IKZF1: variants seen among roughly 807,000 people sequenced by gnomAD.
IKZF1 encodes the protein IKAROS family zinc finger 1, also known as DNA-binding protein Ikaros.
Under a neutral mutation model 51.7 loss-of-function variants are expected in IKZF1, and 10 were observed. The ratio of observed to expected loss-of-function variants is 0.19; its 90% CI spans 0.12 to 0.33. The LOEUF (loss-of-function observed/expected upper bound fraction) is 0.33. Among genes scored for constraint, IKZF1 ranks in the 10% least tolerant of loss-of-function variants. IKZF1 has a pLI of 1.00. For synonymous variants in IKZF1, 280 were observed against 282.3 expected (o/e 0.99, Z 0.08); for missense variants, 484 against 707.5 (o/e 0.68, Z 3.58).
intron 1 of IKZF1, among the ~76,000 whole-genome samples, chr7:50,305,131 C>T (rs984346109): frequency 3.9e-5 from 6 of 152,300 alleles, no homozygotes; most frequent in African/African-American, 1.2e-4. Context: ...ACCAGGCCGA[C>T]ATGGGACACT....
chr7:50,333,957 C>G (rs1270900946), intron 3 of IKZF1, among the ~76,000 whole-genome samples: 1 of 152,174 alleles, frequency 6.6e-6, no homozygotes, highest in Non-Finnish European at 1.5e-5. Context: ...ATTTCCCAAA[C>G]ATGAAATATA....
At chr7:50,373,658 T>C (rs1228073465) in intron 3 of IKZF1, among the ~76,000 whole-genome samples, 8 of 152,154 alleles carry the variant, frequency 5.3e-5, no homozygotes, top group African/African-American at 1.2e-4. Context: ...AGGTAAATGA[T>C]TAAAAATAAT....
chr7:50,342,463 T>G (rs1321869626), intron 3 of IKZF1, among the ~76,000 whole-genome samples: 1 of 152,198 alleles, frequency 6.6e-6, no homozygotes, highest in Non-Finnish European at 1.5e-5. Context: ...TTTATAGACA[T>G]GAGGCAGGTT....
intron 5 of IKZF1, 32 bp from the exon 6 acceptor site, chr7:50,387,313 T>C (rs751932676): frequency 6.2e-7 from 1 of 1,600,116 alleles, no homozygotes; most frequent in East Asian, 2.3e-5. Context: ...GGCATTTAAT[T>C]GGGGTCTTGA....
Position 50,404,416 on chromosome 7 carries a change from C to A in IKZF1, c.*3789C>A. ...AAATGCTTCTTCTGTAGTGATAGAA[C>A]AAATAAATGCAACGAATACTCTGTC... is the stretch of plus-strand genomic sequence containing the variant. On this transcript the variant is annotated 3_prime_UTR_variant, in exon 8 of 8. Transcript: ENST00000331340. The A allele has an allele frequency of 4.4e-6, 1 of 228,278 alleles. No individual in the cohort carries two copies. Among genetic ancestry groups the A allele is most frequent in the Non-Finnish European group, 8.7e-6 (1 of 114,862 alleles). The allele number at this position is 228,278 out of a possible 1,614,324, so 14.1% of individuals were successfully genotyped here.
intron 3 of IKZF1, among the ~76,000 whole-genome samples, chr7:50,373,704 A>G (rs1809397065): frequency 6.6e-6 from 1 of 152,216 alleles, no homozygotes; most frequent in African/African-American, 2.4e-5. Flanking sequence ...TTGCAGCCTC[A>G]TTGTGTTTCC....
At chr7:50,397,363 G>T (rs939390809) in intron 7 of IKZF1, among the ~76,000 whole-genome samples, 1 of 152,294 alleles carries the variant, frequency 6.6e-6, no homozygotes. Flanking sequence ...TTAAGGAAGA[G>T]AAATTCTATG....
At chr7:50,349,569 G>A (rs992050468) in intron 3 of IKZF1, among the ~76,000 whole-genome samples, 2 of 152,162 alleles carry the variant, frequency 1.3e-5, no homozygotes, top group South Asian at 2.1e-4. Flanking sequence ...TTGGTTTATC[G>A]TGGGCCAAGG....
chr7:50,391,624 C>T, intron 6 of IKZF1, 105 bp from the exon 7 acceptor site: 2 of 1,488,702 alleles, frequency 1.3e-6, no homozygotes, highest in Non-Finnish European at 1.8e-6. Context: ...CTAGGAAGGG[C>T]CTGGCTCTTG....
chr7:50,385,674 GACATCATGTCATATTTACAGGA>G (rs1813167584), intron 5 of IKZF1, among the ~76,000 whole-genome samples: 1 of 152,172 alleles, frequency 6.6e-6, no homozygotes, highest in South Asian at 2.1e-4. Flanking sequence ...TAGATATTCA[GACATCATGTCATATTTACAGGA>G]AGCTATTTGA....
At chr7:50,321,559 G>A (rs1043624033) in intron 2 of IKZF1, among the ~76,000 whole-genome samples, 11 of 152,114 alleles carry the variant, frequency 7.2e-5, no homozygotes, top group South Asian at 2.1e-4. Flanking sequence ...TTTCCTTGTC[G>A]CTTTCACTTT....
At chr7:50,328,081 C>G (rs1159562205) in intron 3 of IKZF1, 1 of 221,834 alleles carries the variant, frequency 4.5e-6, no homozygotes, top group Non-Finnish European at 8.9e-6. Flanking sequence ...GATTGTAGAT[C>G]GTGAAAATTA....
At chr7:50,303,869 G>T (rs1252782757), upstream of IKZF1, among the ~76,000 whole-genome samples, 2 of 147,350 alleles carry the variant, frequency 1.4e-5, no homozygotes, top group African/African-American at 4.9e-5. The surrounding 1 kb of genome is among the most constrained non-coding windows in gnomAD (Gnocchi z 4.7). Flanking sequence ...CGCACGTGTC[G>T]CCCGCGCCGC....
intron 2 of IKZF1, among the ~76,000 whole-genome samples, chr7:50,325,596 A>G (rs1794750935): frequency 6.6e-6 from 1 of 152,054 alleles, no homozygotes; most frequent in African/African-American, 2.4e-5. Context: ...ACACGGTGAA[A>G]CCCTGTCTCT....
At position 50,376,028 on chromosome 7, in the gene IKZF1, A is replaced by C. The variant is rs1810190244; in HGVS notation, c.161-505A>C. ...TATTAATGTTTACATGCCACAAGGA[A>C]AGGTAGCATCACAATAAGAGACGTT... On this transcript the variant is annotated intron_variant, in intron 3 of 7. Coordinates refer to ENST00000331340, the MANE Select transcript of IKZF1 (RefSeq NM_006060.6). This position sits in a 1 kb window ranked among gnomAD's most constrained non-coding sequence, Gnocchi z 4.5. Among the ~76,000 whole-genome samples the C allele has an allele frequency of 6.6e-6, 1 of 152,194 alleles. No individual in the cohort carries two copies. Among genetic ancestry groups the C allele is most frequent in the African/African-American group, 2.4e-5 (1 of 41,450 alleles).
At chr7:50,399,774 T>C in intron 7 of IKZF1, 144 bp from the exon 8 acceptor site, 1 of 1,249,350 alleles carries the variant, frequency 8.0e-7, no homozygotes, top group Non-Finnish European at 1.1e-6. Context: ...TGTGTATGTG[T>C]GCAGGTGTGG....
At chr7:50,380,568 T>C (rs1465158437) in intron 4 of IKZF1, among the ~76,000 whole-genome samples, 1 of 152,232 alleles carries the variant, frequency 6.6e-6, no homozygotes, top group Non-Finnish European at 1.5e-5. Flanking sequence ...ACAAACACTG[T>C]TGTGTCACCA....
chr7:50,322,280 A>G (rs1394600837), intron 2 of IKZF1, among the ~76,000 whole-genome samples: 1 of 152,236 alleles, frequency 6.6e-6, no homozygotes, highest in Non-Finnish European at 1.5e-5. Context: ...AAATCTTAAC[A>G]AGAATATGTT....
At chr7:50,326,468 A>G (rs1366843496) in intron 2 of IKZF1, among the ~76,000 whole-genome samples, 2 of 152,128 alleles carry the variant, frequency 1.3e-5, no homozygotes, top group African/African-American at 2.4e-5. Flanking sequence ...TTGTGTCTCA[A>G]CTCAAGTTTA....
Sources: gnomAD v4.1 joint callset for allele counts (sites outside exome capture counted in the v4.1 genomes callset) on GRCh38, gnomAD v4.1.1 for gene constraint, Gnocchi (gnomAD v3.1) non-coding constraint, MANE v1.5 for transcripts, NCBI Gene and HGNC (gene_info 2026-07-23, HGNC 2026-07-21) for gene names.